Variants in FBXO25 observed in about 807,000 individuals in gnomAD.
The protein encoded by FBXO25 is F-box only protein 25.
In FBXO25, 45 loss-of-function variants were observed where a neutral mutation model predicts 51.9. The ratio of observed to expected loss-of-function variants is 0.87; its 90% CI spans 0.68 to 1.11. The LOEUF is 1.11. Ranked by LOEUF, FBXO25 falls within the 50% of genes most tolerant of loss-of-function variation. The pLI is 0.00. For synonymous variants in FBXO25, 199 were observed against 151.0 expected, an observed-to-expected ratio of 1.32 and a Z score of -2.33; for missense variants, 507 against 428.5, an observed-to-expected ratio of 1.18 and a Z score of -1.62.
At chr8:468,381 C>G in intron 9 of FBXO25, 2 of 647,282 alleles carry the variant, frequency 3.1e-6, no homozygotes, top group Non-Finnish European at 3.8e-6. Flanking sequence ...AGAAAGTCCC[C>G]AGTGGTTTCT....
At chr8:456,727 A>G (rs1451949695) in intron 7 of FBXO25, among the ~76,000 whole-genome samples, 1 of 152,208 alleles carries the variant, frequency 6.6e-6, no homozygotes, top group Non-Finnish European at 1.5e-5. Flanking sequence ...TGTCTGGCAG[A>G]TGCATAGGAT....
At chr8:455,556 C>G (rs1365327755) in intron 7 of FBXO25, among the ~76,000 whole-genome samples, 1 of 152,170 alleles carries the variant, frequency 6.6e-6, no homozygotes, top group African/African-American at 2.4e-5. Flanking sequence ...CTTGGGCAAG[C>G]CAGTCAACTC....
intron 6 of FBXO25, chr8:450,834 T>C (rs1163846726): frequency 5.9e-6 from 1 of 168,366 alleles, no homozygotes; most frequent in East Asian, 1.8e-4. Flanking sequence ...TATATTACTG[T>C]GCACCCATCA....
At chr8:420,488 C>T (rs952015143) in intron 2 of FBXO25, 10 of 152,172 alleles carry the variant, frequency 6.6e-5, no homozygotes, top group African/African-American at 2.4e-4. Context: ...CTGCATGTGA[C>T]TGTTAATAGA....
At chr8:417,137 G>C (rs77985892) in intron 2 of FBXO25, among the ~76,000 whole-genome samples, 9,526 of 152,264 alleles carry the variant, frequency 0.063, 321 homozygotes, top group Middle Eastern at 0.082. Flanking sequence ...GCCCGGAAGC[G>C]GGGCCAGTAG....
intron 4 of FBXO25, among the ~76,000 whole-genome samples, chr8:434,434 C>T (rs1797986329): frequency 2.0e-5 from 3 of 152,164 alleles, no homozygotes; most frequent in African/African-American, 2.4e-5. Context: ...CCCCAGAGTT[C>T]CCAGGAAAAT....
chr8:416,236 T>C (rs371547561), intron 2 of FBXO25, among the ~76,000 whole-genome samples: 2 of 152,366 alleles, frequency 1.3e-5, no homozygotes, highest in East Asian at 1.9e-4. Context: ...CTTTGTGTTA[T>C]CAATATTTCA....
In FBXO25 at chr8:458,345, G is replaced by A. The variant is rs759262814; in HGVS notation, c.661-24G>A. On this transcript the variant is annotated intron_variant, in intron 7 of 9. Coordinates refer to ENST00000350302, the MANE Select transcript of FBXO25 (RefSeq NM_183420.2). The stretch of plus-strand genomic sequence containing the variant: ...CAAACATTGGCCATCTTCTCAGTGA[G>A]TTGCTGTTGTGTTTTCCTTTCAGCA... 4 of 1,607,378 alleles carry A rather than the reference G, an allele frequency of 2.5e-6. No individual in the cohort carries two copies. In the East Asian group the frequency reaches 8.9e-5, roughly 36 times the overall value.
chr8:419,773 G>A, intron 2 of FBXO25, among the ~76,000 whole-genome samples: 1 of 151,784 alleles, frequency 6.6e-6, no homozygotes, highest in Non-Finnish European at 1.5e-5. Flanking sequence ...GATACCAAAA[G>A]CACATCTTTC....
At chr8:455,742 G>C (rs1799380802) in intron 7 of FBXO25, among the ~76,000 whole-genome samples, 1 of 152,212 alleles carries the variant, frequency 6.6e-6, no homozygotes, top group Non-Finnish European at 1.5e-5. Flanking sequence ...GTGCAGTGTA[G>C]GTGTGAGAGA....
rs1009400257 is a variant in FBXO25, at chr8:474,890, C to G, written c.*6086C>G. The G allele has an allele frequency of 2.2e-6, 1 of 454,410 alleles. No homozygotes were observed. The highest frequency in any genetic ancestry group is 4.4e-6 in the Non-Finnish European group (1 of 226,664). 28.1% of individuals were successfully genotyped at this position (454,410 alleles called of 1,614,324 possible). On this transcript the variant is annotated 3_prime_UTR_variant, in exon 10 of 10. Transcript: ENST00000350302. ...GGTGTCATATCTAAGAAATCACTGC[C>G]TCACCCTTTTCAGATATATCATTTT...
intron 9 of FBXO25, 89 bp downstream of exon 9, chr8:463,239 G>A (rs191105394): frequency 1.4e-6 from 2 of 1,408,792 alleles, no homozygotes; most frequent in African/African-American, 2.9e-5. Flanking sequence ...AGACTAAAAA[G>A]CGGAAAATAC....
Position 477,274 on chromosome 8 carries a change from C to G in FBXO25, c.*8470C>G, listed in dbSNP as rs1420901468. The G allele has an allele frequency of 6.6e-6, 1 of 152,180 alleles. No individual in the cohort carries two copies. The highest frequency in any genetic ancestry group is 6.6e-5 in the Admixed American group (1 of 15,266). 9.4% of individuals were successfully genotyped at this position (152,180 alleles called of 1,614,324 possible). On this transcript the variant is annotated 3_prime_UTR_variant, in exon 10 of 10. Coordinates refer to ENST00000350302, the MANE Select transcript of FBXO25 (RefSeq NM_183420.2). ...GTACTGCTGTTGTGTCTGTTAGGTC[C>G]AGCTGGTATGATGCTGTTCAAGTTC...
Position 468,724 on chromosome 8 carries a change from C to T in FBXO25, c.997C>T (p.His333Tyr), listed in dbSNP as rs1563103582. The T allele has an allele frequency of 1.2e-6, 2 of 1,613,928 alleles. No individual in the cohort carries two copies. The highest frequency in any genetic ancestry group is 1.1e-5 in the South Asian group (1 of 91,064). Residue 333 changes from histidine (H) to tyrosine (Y), a missense_variant, in exon 10 of 10, where the codon CAC becomes TAC. His to Tyr is a moderately conservative substitution (Grantham distance 83, BLOSUM62 2). Transcript: ENST00000350302. ...TCCCACCTCCCCACAGGACTCAGGA[C>T]ACCCCTGCACGGCGGCCGACCCTGA... ...CSILFWKDSG[H>Y]PCTAADPDSC...
intron 2 of FBXO25, among the ~76,000 whole-genome samples, chr8:425,774 C>A (rs1392094311): frequency 7.2e-5 from 11 of 151,880 alleles, no homozygotes; most frequent in Admixed American, 7.2e-4. Flanking sequence ...CAATCCAAGA[C>A]TGTTTTCCAT....
In FBXO25 at chr8:435,606, C is replaced by T; in HGVS notation, c.289-9C>T. On this transcript the variant is annotated splice_polypyrimidine_tract_variant and intron_variant, in intron 4 of 9. Coordinates refer to ENST00000350302, the MANE Select transcript of FBXO25 (RefSeq NM_183420.2). ...TTGACTAATTTTAACTTCTGTGTTGCTTTTCCAGAGGCATGGCTATTGCAC... is the reference window on the plus strand; with the variant it reads ...TTGACTAATTTTAACTTCTGTGTTGTTTTTCCAGAGGCATGGCTATTGCAC... 6.2e-7 allele frequency: 1 copy of T among 1,603,522 alleles called. No homozygotes were observed. Among genetic ancestry groups the T allele is most frequent in the East Asian group, 2.2e-5 (1 of 44,646 alleles).
chr8:425,336 TATCC>T (rs1200010459), intron 2 of FBXO25, among the ~76,000 whole-genome samples: 1 of 152,030 alleles, frequency 6.6e-6, no homozygotes, highest in African/African-American at 2.4e-5. Context: ...TTTTTCTCTC[TATCC>T]CTTTCTTTTC....
chr8:411,907 C>G (rs2117409138), intron 1 of FBXO25, among the ~76,000 whole-genome samples: 1 of 152,288 alleles, frequency 6.6e-6, no homozygotes, highest in African/African-American at 2.4e-5. Flanking sequence ...CCTTTAAAAA[C>G]TACTTAAACT....
intron 2 of FBXO25, among the ~76,000 whole-genome samples, chr8:416,340 G>C (rs1166998853): frequency 4.6e-5 from 7 of 152,208 alleles, no homozygotes; most frequent in African/African-American, 1.7e-4. Flanking sequence ...AGGAAATCCA[G>C]AGCCATCAGA....
Sources: gnomAD v4.1 joint callset for allele counts (sites outside exome capture counted in the v4.1 genomes callset) on GRCh38, gnomAD v4.1.1 for gene constraint, MANE v1.5 for transcripts, NCBI Gene and HGNC (gene_info 2026-07-23, HGNC 2026-07-21) for gene names.